The following RPGRIP1 variants were observed in gnomAD, a reference collection of about 807,000 sequenced individuals.
The protein encoded by RPGRIP1 is X-linked retinitis pigmentosa GTPase regulator-interacting protein 1.
A neutral mutation model predicts 157.9 loss-of-function variants in RPGRIP1; 128 were observed. That is an observed-to-expected ratio of 0.81 (90% CI 0.70 to 0.94). RPGRIP1 has a LOEUF of 0.94. RPGRIP1 is among the 40% of genes least tolerant of loss of function. The probability of loss-of-function intolerance (pLI) is 0.00; values close to 1 mark genes in which losing one functional copy is unlikely to be tolerated. For missense variants in RPGRIP1, 1,486 were observed against 1,545.8 expected (o/e 0.96, Z 0.65); for synonymous variants, 554 against 571.6 (o/e 0.97, Z 0.44).
intron 7 of RPGRIP1, among the ~76,000 whole-genome samples, chr14:21,308,252 T>C (rs192454231): frequency 1.3e-5 from 2 of 152,354 alleles, no homozygotes; most frequent in Non-Finnish European, 2.9e-5. Flanking sequence ...CATGATCTTT[T>C]TTAAGCCTGA....
At chr14:21,293,688 CTAA>C (rs1471563433) in intron 2 of RPGRIP1, among the ~76,000 whole-genome samples, 1 of 152,116 alleles carries the variant, frequency 6.6e-6, no homozygotes, top group Non-Finnish European at 1.5e-5. Context: ...ACCATCCTGG[CTAA>C]CATGGAGAAA....
At position 21,301,058 on chromosome 14, in the gene RPGRIP1, G is replaced by A. The variant is rs757561293; in HGVS notation, c.311G>A (p.Gly104Glu). 3.7e-6 allele frequency: 6 copies of A among 1,612,732 alleles called. No individual in the cohort carries two copies. The South Asian group carries it at 6.6e-5, about 18-fold the overall frequency. ...CCGCTCTCGGAGACCGCAAGGCGCG[G>A]GCAGAAGGCGGGATGGCGGCAGCGC... ...AAPLSETARR[G>E]QKAGWRQRLS... is the part of the protein sequence containing the mutation. The change falls in exon 4 of 25, where the codon GGG becomes GAG. Residue 104 changes from glycine to glutamate, a missense_variant. Transcript: ENST00000400017.
chr14:21,300,874 T>C (rs1378149323), intron 3 of RPGRIP1, 92 bp from the exon 4 acceptor site: 13 of 1,416,248 alleles, frequency 9.2e-6, no homozygotes, highest in Non-Finnish European at 1.3e-5. Context: ...TGAATACATA[T>C]TATAGATCAA....
In RPGRIP1 at chr14:21,321,999, C is replaced by G. The variant is rs1387707646; in HGVS notation, c.1757C>G (p.Thr586Arg). 2 of 1,612,070 alleles carry G rather than the reference C, an allele frequency of 1.2e-6. No individual in the cohort carries two copies. Among genetic ancestry groups the G allele is most frequent in the Non-Finnish European group, 8.5e-7 (1 of 1,179,208 alleles). The change falls in exon 14 of 25, where the codon ACA (threonine) becomes AGA (arginine). Residue 586 changes from threonine to arginine, a missense_variant. Physicochemically the swap from Thr to Arg is moderately conservative, Grantham distance 71 (BLOSUM62 -1). Transcript: ENST00000400017. The stretch of plus-strand genomic sequence containing the variant: ...ATTTTAAGAAGCCATGACCTTCCAA[C>G]ATCTGGCAAGTCTTAGTCCTTTGTT... ...EGILRSHDLP[T>R]SEQLKDVAYG...
chr14:21,334,745 G>A (rs201213028), intron 21 of RPGRIP1, 40 bp downstream of exon 21: 3 of 1,329,260 alleles, frequency 2.3e-6, no homozygotes, highest in Middle Eastern at 1.8e-4. Context: ...GAGATAAGAC[G>A]ATAAATAATG....
chr14:21,309,266 C>T (rs540685087), intron 7 of RPGRIP1, among the ~76,000 whole-genome samples: 5 of 152,240 alleles, frequency 3.3e-5, no homozygotes, highest in Admixed American at 1.3e-4. Flanking sequence ...AATCCCAGCA[C>T]TTTGGGAGGT....
intron 10 of RPGRIP1, among the ~76,000 whole-genome samples, chr14:21,313,349 A>G (rs1230677049): frequency 6.6e-6 from 1 of 151,938 alleles, no homozygotes; most frequent in African/African-American, 2.4e-5. Flanking sequence ...CAAAAAGAAA[A>G]AAAAAAAAAA....
intron 6 of RPGRIP1, among the ~76,000 whole-genome samples, chr14:21,306,890 T>C (rs1267015677): frequency 2.1e-5 from 3 of 144,324 alleles, no homozygotes; most frequent in East Asian, 2.1e-4. Flanking sequence ...ATTCTCCTGC[T>C]TCAGCCTCCT....
intron 7 of RPGRIP1, among the ~76,000 whole-genome samples, chr14:21,309,095 T>C (rs1157388458): frequency 6.6e-6 from 1 of 152,220 alleles, no homozygotes; most frequent in Non-Finnish European, 1.5e-5. Flanking sequence ...GCCAGGGCTT[T>C]CCTGCTAGAC....
chr14:21,281,830 C>T (rs963687313), intron 1 of RPGRIP1, among the ~76,000 whole-genome samples: 7 of 151,730 alleles, frequency 4.6e-5, no homozygotes, highest in South Asian at 2.1e-4. Context: ...CAGGGTGGCT[C>T]ATGCCTGTAA....
intron 22 of RPGRIP1, among the ~76,000 whole-genome samples, chr14:21,343,880 T>TGAGA (rs1885287864): frequency 3.3e-5 from 2 of 61,442 alleles, no homozygotes; most frequent in Non-Finnish European, 3.6e-5. Context: ...TTTTTTTTTT[T>TGAGA]TTTTTTTTTT....
chr14:21,317,572 G>A (rs769761172), intron 10 of RPGRIP1, 124 bp from the exon 11 acceptor site: 8 of 1,535,944 alleles, frequency 5.2e-6, no homozygotes. Flanking sequence ...TAAAGCAAGG[G>A]CAGAAAAAAA....
chr14:21,317,721 A>G lies in RPGRIP1; in HGVS notation c.1177A>G (p.Ser393Gly). 1 of 1,587,528 alleles carries G rather than the reference A, an allele frequency of 6.3e-7. No individual in the cohort carries two copies. Among genetic ancestry groups the G allele is most frequent in the Non-Finnish European group, 8.6e-7 (1 of 1,166,856 alleles). ...CATGCTGGACAGCAGTGACAGCTCC[A>G]GTCAGCCCCACTGGAGCAACGAGCT... ...ESMLDSSDSS[S>G]QPHWSNELIA... Residue 393 changes from serine to glycine, a missense_variant, in exon 11 of 25, where the codon AGT becomes GGT. Coordinates refer to ENST00000400017, the MANE Select transcript of RPGRIP1 (RefSeq NM_020366.4).
intron 10 of RPGRIP1, among the ~76,000 whole-genome samples, chr14:21,313,655 G>A (rs2139178150): frequency 6.6e-6 from 1 of 152,104 alleles, no homozygotes; most frequent in African/African-American, 2.4e-5. Flanking sequence ...AGGCACAGTA[G>A]CGCGCACTTG....
intron 1 of RPGRIP1, among the ~76,000 whole-genome samples, chr14:21,284,724 G>T (rs1200052623): frequency 1.3e-5 from 2 of 151,764 alleles, no homozygotes; most frequent in African/African-American, 4.8e-5. Flanking sequence ...GCAAATTTTT[G>T]TATGTTTAGT....
intron 21 of RPGRIP1, among the ~76,000 whole-genome samples, chr14:21,342,666 G>A (rs77830033): frequency 0.019 from 2,853 of 151,980 alleles, 89 homozygotes; most frequent in African/African-American, 0.065. Context: ...CTGGAGCGAC[G>A]CACATTGTTC....
At chr14:21,327,187 G>A (rs538711750) in intron 17 of RPGRIP1, among the ~76,000 whole-genome samples, 1 of 152,320 alleles carries the variant, frequency 6.6e-6, no homozygotes, top group African/African-American at 2.4e-5. Flanking sequence ...CTGTTAATCA[G>A]TGTTACAAAT....
chr14:21,288,460 T>G (rs530052939), intron 2 of RPGRIP1, among the ~76,000 whole-genome samples: 2 of 151,014 alleles, frequency 1.3e-5, no homozygotes, highest in African/African-American at 4.9e-5. Context: ...GTATTACAGG[T>G]GTGAGCCACT....
At chr14:21,307,225 T>G (rs747703281) in intron 6 of RPGRIP1, among the ~76,000 whole-genome samples, 13 of 152,212 alleles carry the variant, frequency 8.5e-5, no homozygotes, top group African/African-American at 2.7e-4. Context: ...ATCTGACTTT[T>G]GTGTTTTTAG....
Sources: allele counts gnomAD v4.1 joint callset (sites outside exome capture counted in the v4.1 genomes callset), GRCh38; gene constraint gnomAD v4.1.1; transcripts MANE v1.5; gene names NCBI Gene and HGNC (gene_info 2026-07-23, HGNC 2026-07-21).